ADGRB3: variants seen among roughly 807,000 people sequenced by gnomAD.
ADGRB3 encodes the protein brain-specific angiogenesis inhibitor 3.
In ADGRB3, 37 loss-of-function variants were observed where a neutral mutation model predicts 193.4. The observed-to-expected ratio is 0.19, with a 90% CI of 0.15 to 0.25. The LOEUF is 0.25. Ranked by LOEUF, ADGRB3 falls within the 10% of genes least tolerant of loss-of-function variation. ADGRB3 has a pLI of 1.00. For synonymous variants in ADGRB3, 690 were observed against 644.2 expected (o/e 1.07, Z -1.08); for missense variants, 1,637 against 1,852.9 (o/e 0.88, Z 2.14).
intron 13 of ADGRB3, 22 bp downstream of exon 13, chr6:69,018,521 C>T (rs765124215): frequency 6.6e-7 from 1 of 1,520,744 alleles, no homozygotes; most frequent in Non-Finnish European, 9.0e-7. Flanking sequence ...GATTTTCCCC[C>T]AAAATCTTTC....
intron 5 of ADGRB3, among the ~76,000 whole-genome samples, chr6:68,937,320 T>A (rs186359532): frequency 1.3e-4 from 20 of 152,256 alleles, no homozygotes; most frequent in Admixed American, 5.9e-4. Flanking sequence ...ACATCACAAT[T>A]TTGTTCTTCA....
At chr6:68,804,234 C>T (rs76740715) in intron 3 of ADGRB3, among the ~76,000 whole-genome samples, 3,003 of 152,272 alleles carry the variant, frequency 0.02, 67 homozygotes, top group Middle Eastern at 0.092. Flanking sequence ...ACCTTCGGGC[C>T]TTGGATTATG....
chr6:69,275,198 C>G (rs796634863), intron 20 of ADGRB3, among the ~76,000 whole-genome samples: 19 of 152,228 alleles, frequency 1.2e-4, no homozygotes, highest in African/African-American at 4.1e-4. Context: ...TTCCCAGAAT[C>G]TCACAGATGG....
intron 16 of ADGRB3, among the ~76,000 whole-genome samples, chr6:69,066,280 C>A (rs1439623584): frequency 6.6e-6 from 1 of 151,192 alleles, no homozygotes; most frequent in Non-Finnish European, 1.5e-5. Context: ...AATATCAAAT[C>A]TGTCTACTTT....
chr6:68,971,131 A>G (rs1200445002), intron 8 of ADGRB3, among the ~76,000 whole-genome samples: 1 of 152,236 alleles, frequency 6.6e-6, no homozygotes, highest in African/African-American at 2.4e-5. Context: ...GTCAGTATTC[A>G]TGGGTTTCAT....
At chr6:68,678,672 TGGA>T (rs1764819948) in intron 3 of ADGRB3, among the ~76,000 whole-genome samples, 1 of 152,190 alleles carries the variant, frequency 6.6e-6, no homozygotes, top group African/African-American at 2.4e-5. Context: ...TTCCTGCCTT[TGGA>T]TCTAACAGCC....
chr6:69,239,603 A>G (rs1363578993), intron 20 of ADGRB3, among the ~76,000 whole-genome samples: 1 of 152,070 alleles, frequency 6.6e-6, no homozygotes, highest in Non-Finnish European at 1.5e-5. Context: ...TTATTAACAT[A>G]TTGATTCCTA....
At chr6:68,651,862 G>C (rs1768374050) in intron 3 of ADGRB3, among the ~76,000 whole-genome samples, 1 of 152,110 alleles carries the variant, frequency 6.6e-6, no homozygotes, top group Admixed American at 6.6e-5. Flanking sequence ...GTCTCCATAT[G>C]TAGCCACATA....
At chr6:69,370,788 A>C (rs1008634669) in intron 29 of ADGRB3, among the ~76,000 whole-genome samples, 1 of 152,098 alleles carries the variant, frequency 6.6e-6, no homozygotes, top group African/African-American at 2.4e-5. Context: ...TTAAGAAAGA[A>C]TCTTGCTTAA....
At chr6:68,679,546 G>GA (rs948252149) in intron 3 of ADGRB3, among the ~76,000 whole-genome samples, 92 of 148,636 alleles carry the variant, frequency 6.2e-4, no homozygotes, top group East Asian at 4.5e-3. Flanking sequence ...TGCTTTTCAG[G>GA]AAAAAAAAAA....
intron 17 of ADGRB3, among the ~76,000 whole-genome samples, chr6:69,153,094 A>G (rs1774724516): frequency 6.6e-6 from 1 of 152,124 alleles, no homozygotes; most frequent in Non-Finnish European, 1.5e-5. Context: ...TATTAAAAGG[A>G]CTATATTTAA....
intron 3 of ADGRB3, among the ~76,000 whole-genome samples, chr6:68,734,702 G>A (rs1398016163): frequency 6.6e-6 from 1 of 152,046 alleles, no homozygotes; most frequent in Non-Finnish European, 1.5e-5. Flanking sequence ...ACTAGGCAAA[G>A]TAGTTAGTGT....
rs58586306 is a variant in ADGRB3 at position 69,210,149 on chromosome 6, CAT to C, written c.2481-23121_2481-23120del. On this transcript the variant is annotated intron_variant, in intron 17 of 31. Coordinates refer to ENST00000370598, the MANE Select transcript of ADGRB3 (RefSeq NM_001704.3). ...ATATATATCATATATTAATATATATCATATATATATATATATATATAAAGGGG... is the reference window on the plus strand; with the variant it reads ...ATATATATCATATATTAATATATATCATATATATATATATATATAAAGGGG... Among the ~76,000 whole-genome samples, 110 of 78,890 alleles carry C rather than the reference CAT, an allele frequency of 1.4e-3. 7 individuals are homozygous for C. The highest frequency in any genetic ancestry group is 9.2e-3 in the East Asian group (40 of 4,360). 51.8% of individuals were successfully genotyped at this position (78,890 alleles called of 152,430 possible).
chr6:68,903,231 C>T (rs1293300303), intron 3 of ADGRB3, among the ~76,000 whole-genome samples: 1 of 152,106 alleles, frequency 6.6e-6, no homozygotes, highest in Non-Finnish European at 1.5e-5. Context: ...CAAAATTAAA[C>T]ATTTCAGGAT....
At chr6:69,045,465 T>G (rs567073019) in intron 13 of ADGRB3, among the ~76,000 whole-genome samples, 4 of 152,158 alleles carry the variant, frequency 2.6e-5, no homozygotes, top group African/African-American at 7.2e-5. Context: ...TATTGAAAGA[T>G]TCATACTACT....
At chr6:69,194,726 A>T (rs183226957) in intron 17 of ADGRB3, among the ~76,000 whole-genome samples, 32 of 152,224 alleles carry the variant, frequency 2.1e-4, no homozygotes, top group Non-Finnish European at 4.0e-4. Context: ...ATTAGAGCCT[A>T]TAGAGCTTAA....
chr6:69,334,063 TTAG>T (rs1241385092), intron 24 of ADGRB3, among the ~76,000 whole-genome samples: 5 of 151,540 alleles, frequency 3.3e-5, no homozygotes, highest in African/African-American at 1.2e-4. Context: ...ATATAGATTG[TTAG>T]TAGCTTTTTA....
At chr6:69,186,516 T>A (rs1765072888) in intron 17 of ADGRB3, among the ~76,000 whole-genome samples, 1 of 151,722 alleles carries the variant, frequency 6.6e-6, no homozygotes, top group South Asian at 2.1e-4. Flanking sequence ...AAATCTGTCT[T>A]CTGATTATTA....
rs1771488671 is a variant in ADGRB3, at chr6:69,054,460, GTC to G, written c.2333+5115_2333+5116del. Among the ~76,000 whole-genome samples the G allele has an allele frequency of 9.2e-5, 14 of 152,276 alleles. No individual in the cohort carries two copies. In the South Asian group the frequency reaches 2.9e-3, roughly 32 times the overall value. On this transcript the variant is annotated intron_variant, in intron 15 of 31. Coordinates refer to ENST00000370598, the MANE Select transcript of ADGRB3 (RefSeq NM_001704.3). ...GCAGTCAGCTCTCTCCAGAGCTCAT[GTC>G]CTTAGGTTTAGGACCTAAACTTTGA... is the stretch of plus-strand genomic sequence containing the variant.
Sources: allele counts gnomAD v4.1 joint callset (sites outside exome capture counted in the v4.1 genomes callset), GRCh38; gene constraint gnomAD v4.1.1; transcripts MANE v1.5; gene names NCBI Gene and HGNC (gene_info 2026-07-23, HGNC 2026-07-21).